CTNNA3: variants seen among roughly 807,000 people sequenced by gnomAD.
CTNNA3 encodes the protein catenin alpha-3.
Under a neutral mutation model 95.7 loss-of-function variants are expected in CTNNA3, and 76 were observed. That is an observed-to-expected ratio of 0.79 (90% CI 0.66 to 0.96). CTNNA3 has a LOEUF of 0.96. Among genes scored for constraint, CTNNA3 ranks in the 40% least tolerant of loss-of-function variants. The pLI is 0.00. For synonymous variants in CTNNA3, 431 were observed against 374.4 expected, an observed-to-expected ratio of 1.15 and a Z score of -1.74; for missense variants, 1,191 against 1,089.8, an observed-to-expected ratio of 1.09 and a Z score of -1.31.
rs369207742 is a variant in CTNNA3 at position 67,097,581 on chromosome 10, C to T, written c.1047+82736G>A. On this transcript the variant is annotated intron_variant, in intron 7 of 17. Transcript: ENST00000433211. ...AACTGACTTTTCTCATGTCATTTTT[C>T]CCCAGATACCTTTATCAATGAATGT... 49 of 1,610,814 alleles carry T rather than the reference C, an allele frequency of 3.0e-5. No homozygotes were observed. In the African/African-American group the frequency reaches 6.5e-4, roughly 22 times the overall value.
intron 10 of CTNNA3, among the ~76,000 whole-genome samples, chr10:66,567,669 C>G (rs1842755300): frequency 6.6e-6 from 1 of 152,200 alleles, no homozygotes; most frequent in East Asian, 1.9e-4. Flanking sequence ...AATTTCATTT[C>G]CCTTAACAGC....
At chr10:66,846,719 T>C (rs1019035071) in intron 7 of CTNNA3, among the ~76,000 whole-genome samples, 9 of 152,184 alleles carry the variant, frequency 5.9e-5, no homozygotes, top group African/African-American at 2.2e-4. Flanking sequence ...TCTGGAATTT[T>C]ACCTTGTAGC....
chr10:67,348,742 A>T (rs1166064359), intron 5 of CTNNA3, among the ~76,000 whole-genome samples: 1 of 152,166 alleles, frequency 6.6e-6, no homozygotes, highest in Non-Finnish European at 1.5e-5. Flanking sequence ...AACACCTCCC[A>T]TTAGGCTCAC....
At chr10:66,364,409 A>G (rs1411118469) in intron 12 of CTNNA3, among the ~76,000 whole-genome samples, 1 of 151,996 alleles carries the variant, frequency 6.6e-6, no homozygotes, top group East Asian at 1.9e-4. Context: ...TAAAAAAATT[A>G]CATCGACAAA....
At chr10:66,010,534 T>C (rs763281583) in intron 15 of CTNNA3, among the ~76,000 whole-genome samples, 9 of 152,194 alleles carry the variant, frequency 5.9e-5, no homozygotes, top group Non-Finnish European at 1.2e-4. Context: ...ACATAGCTAT[T>C]ATTTTAGAAA....
chr10:66,426,735 C>T (rs1310240910), intron 11 of CTNNA3, among the ~76,000 whole-genome samples: 1 of 151,592 alleles, frequency 6.6e-6, no homozygotes, highest in Non-Finnish European at 1.5e-5. Flanking sequence ...ACCTGTTTGG[C>T]CCTCAATGAA....
intron 17 of CTNNA3, among the ~76,000 whole-genome samples, chr10:65,936,600 T>G (rs2077342399): frequency 6.6e-6 from 1 of 152,114 alleles, no homozygotes; most frequent in Non-Finnish European, 1.5e-5. Flanking sequence ...TTTGGAAATT[T>G]ACACTTAGAT....
At chr10:67,566,618 C>T (rs1425781805) in intron 3 of CTNNA3, among the ~76,000 whole-genome samples, 1 of 152,058 alleles carries the variant, frequency 6.6e-6, no homozygotes, top group Non-Finnish European at 1.5e-5. Context: ...TGTGGCGATT[C>T]CTCAGGGATC....
At position 66,429,951 on chromosome 10, in the gene CTNNA3, G is replaced by A. The variant is rs543929195; in HGVS notation, c.1532-50599C>T. 6.2e-3 allele frequency among the ~76,000 whole-genome samples: 938 copies of A among 150,150 alleles called. 8 individuals are homozygous for A. The highest frequency in any genetic ancestry group is 0.022 in the African/African-American group (893 of 40,372). ...TAAAGGGTATTCAATTAGGAAAAGA[G>A]GAAGACAAATTGTCCCTCTTTGCAG... On this transcript the variant is annotated intron_variant, in intron 11 of 17. Coordinates refer to ENST00000433211, the MANE Select transcript of CTNNA3 (RefSeq NM_013266.4).
intron 15 of CTNNA3, among the ~76,000 whole-genome samples, chr10:65,991,220 G>A (rs950258922): frequency 2.6e-5 from 4 of 151,938 alleles, no homozygotes; most frequent in Non-Finnish European, 5.9e-5. Context: ...CTTTTCCTCA[G>A]TATTGCTTTG....
intron 12 of CTNNA3, among the ~76,000 whole-genome samples, chr10:66,330,509 G>T (rs1484261479): frequency 4.6e-5 from 7 of 152,028 alleles, no homozygotes; most frequent in African/African-American, 1.4e-4. Flanking sequence ...TTTGCTATTG[G>T]GAATAGTGCC....
intron 2 of CTNNA3, among the ~76,000 whole-genome samples, chr10:67,629,741 T>C (rs1839079227): frequency 1.3e-5 from 2 of 152,190 alleles, no homozygotes; most frequent in East Asian, 3.8e-4. Context: ...AGTATAATTC[T>C]GAGAATAGAA....
intron 5 of CTNNA3, among the ~76,000 whole-genome samples, chr10:67,453,781 T>C (rs1217292581): frequency 6.6e-6 from 1 of 152,212 alleles, no homozygotes; most frequent in African/African-American, 2.4e-5. Flanking sequence ...CAAAACAAAA[T>C]TGTAAACCGT....
intron 5 of CTNNA3, among the ~76,000 whole-genome samples, chr10:67,382,412 A>G (rs1843980664): frequency 6.6e-6 from 1 of 152,352 alleles, no homozygotes; most frequent in Middle Eastern, 3.4e-3. Context: ...AAATACATGT[A>G]TAAAATAAGC....
chr10:67,086,900 G>A lies in CTNNA3; in HGVS notation c.1047+93417C>T, dbSNP rs1351428899. ...GACCAAAAACATTAACTGATGTAGTGTTATTATAAGACCCTCCAGTGGACT... is the reference window on the plus strand; with the variant it reads ...GACCAAAAACATTAACTGATGTAGTATTATTATAAGACCCTCCAGTGGACT... On this transcript the variant is annotated intron_variant, in intron 7 of 17. Coordinates refer to ENST00000433211, the MANE Select transcript of CTNNA3 (RefSeq NM_013266.4). 3.3e-5 allele frequency among the ~76,000 whole-genome samples: 5 copies of A among 152,014 alleles called. No homozygotes were observed. The East Asian group carries it at 7.7e-4, about 24-fold the overall frequency.
At chr10:66,776,423 A>G (rs1274861476) in intron 7 of CTNNA3, among the ~76,000 whole-genome samples, 1 of 152,184 alleles carries the variant, frequency 6.6e-6, no homozygotes, top group African/African-American at 2.4e-5. Flanking sequence ...AACTCAATGA[A>G]AAAGGACACT....
At chr10:67,476,160 C>A (rs1325629738) in intron 5 of CTNNA3, among the ~76,000 whole-genome samples, 1 of 152,164 alleles carries the variant, frequency 6.6e-6, no homozygotes, top group African/African-American at 2.4e-5. Context: ...TTTAAACCCG[C>A]GAGTGCACTT....
At chr10:66,472,998 A>G (rs1839190232) in intron 11 of CTNNA3, among the ~76,000 whole-genome samples, 1 of 152,034 alleles carries the variant, frequency 6.6e-6, no homozygotes, top group Non-Finnish European at 1.5e-5. Flanking sequence ...CCACTTTGCA[A>G]ACTTTCTCCA....
intron 10 of CTNNA3, among the ~76,000 whole-genome samples, chr10:66,526,384 G>A (rs571066209): frequency 5.1e-4 from 78 of 152,064 alleles, no homozygotes; most frequent in Middle Eastern, 3.4e-3. Flanking sequence ...ACAAGGTTTC[G>A]TCATGTTGCC....
Sources: allele counts gnomAD v4.1 joint callset (sites outside exome capture counted in the v4.1 genomes callset), GRCh38; gene constraint gnomAD v4.1.1; transcripts MANE v1.5; gene names NCBI Gene and HGNC (gene_info 2026-07-23, HGNC 2026-07-21).